Variants in PLA2G4A observed in about 807,000 individuals in gnomAD.
The protein encoded by PLA2G4A is phospholipase A2 group IVA.
A neutral mutation model predicts 81.9 loss-of-function variants in PLA2G4A; 40 were observed. That is an observed-to-expected ratio of 0.49 (90% confidence interval 0.38 to 0.64). PLA2G4A has a LOEUF of 0.64. Ranked by LOEUF, PLA2G4A falls within the 30% of genes least tolerant of loss-of-function variation. PLA2G4A has a pLI of 0.00. For missense variants in PLA2G4A, 715 were observed against 905.1 expected (o/e 0.79, Z 2.69); for synonymous variants, 302 against 296.9 (o/e 1.02, Z -0.18).
At chr1:186,840,112 G>A (rs1651928025) in intron 1 of PLA2G4A, among the ~76,000 whole-genome samples, 1 of 151,096 alleles carries the variant, frequency 6.6e-6, no homozygotes, top group Admixed American at 6.6e-5. Context: ...CTGAGTAGGT[G>A]GGATTACAGG....
At chr1:186,846,975 G>C (rs375551183) in intron 1 of PLA2G4A, among the ~76,000 whole-genome samples, 1 of 151,654 alleles carries the variant, frequency 6.6e-6, no homozygotes, top group East Asian at 1.9e-4. Context: ...GTCCCTGACC[G>C]CTCCTCCTTT....
At chr1:186,865,718 T>A (rs1161764827) in intron 2 of PLA2G4A, among the ~76,000 whole-genome samples, 2 of 152,228 alleles carry the variant, frequency 1.3e-5, no homozygotes, top group African/African-American at 4.8e-5. Context: ...TTGGTTCTTG[T>A]CTTATAACAG....
At chr1:186,847,144 CTATTT>C (rs67500007) in intron 1 of PLA2G4A, among the ~76,000 whole-genome samples, 114,561 of 150,966 alleles carry the variant, frequency 0.76, 43,942 homozygotes, top group South Asian at 0.83. Context: ...TATTTATAGA[CTATTT>C]TATATTAACC....
At chr1:186,908,460 A>C (rs1654818618) in intron 6 of PLA2G4A, among the ~76,000 whole-genome samples, 1 of 151,964 alleles carries the variant, frequency 6.6e-6, no homozygotes, top group Admixed American at 6.6e-5. Flanking sequence ...TAGATTTCTA[A>C]TCACTTATTT....
intron 6 of PLA2G4A, among the ~76,000 whole-genome samples, chr1:186,909,109 G>A (rs1489043474): frequency 6.7e-6 from 1 of 150,142 alleles, no homozygotes; most frequent in Non-Finnish European, 1.5e-5. Context: ...GAGTAGCTGG[G>A]ACTACAGGCG....
chr1:186,921,390 A>C (rs1437924420), intron 7 of PLA2G4A, among the ~76,000 whole-genome samples: 1 of 152,192 alleles, frequency 6.6e-6, no homozygotes, highest in Admixed American at 6.5e-5. Flanking sequence ...TTAAAGCTTG[A>C]GGCTTTTCAG....
chr1:186,967,997 A>G (rs1180461395), intron 15 of PLA2G4A, among the ~76,000 whole-genome samples: 2 of 152,136 alleles, frequency 1.3e-5, no homozygotes, highest in East Asian at 3.8e-4. Flanking sequence ...ATGAAGTACT[A>G]CTGCACCAGA....
At chr1:186,873,028 G>C (rs914401163) in intron 3 of PLA2G4A, among the ~76,000 whole-genome samples, 2 of 152,046 alleles carry the variant, frequency 1.3e-5, no homozygotes, top group African/African-American at 2.4e-5. Context: ...GTGTGTGTGT[G>C]GGGAGGGAGT....
At chr1:186,948,072 T>C (rs1361590104) in intron 12 of PLA2G4A, among the ~76,000 whole-genome samples, 2 of 152,190 alleles carry the variant, frequency 1.3e-5, no homozygotes, top group Non-Finnish European at 2.9e-5. Context: ...CTCCTACAAT[T>C]GATTTTAGTT....
chr1:186,967,317 AAAT>A (rs1006874557), intron 15 of PLA2G4A, among the ~76,000 whole-genome samples: 14 of 148,954 alleles, frequency 9.4e-5, no homozygotes, highest in Non-Finnish European at 1.5e-5. Flanking sequence ...TCAACAAATT[AAAT>A]AATATGTGGA....
At chr1:186,896,825 T>G (rs564369507) in intron 5 of PLA2G4A, among the ~76,000 whole-genome samples, 1 of 152,286 alleles carries the variant, frequency 6.6e-6, no homozygotes, top group East Asian at 1.9e-4. Flanking sequence ...ATCTGAATGA[T>G]AATCCTTTGA....
chr1:186,837,755 A>AAAAAAAAAAAG (rs1553267329), intron 1 of PLA2G4A, among the ~76,000 whole-genome samples: 9 of 147,430 alleles, frequency 6.1e-5, no homozygotes, highest in African/African-American at 2.3e-4. Flanking sequence ...AAAAAAAAGA[A>AAAAAAAAAAAG]AAAGAAAAGA....
chr1:186,905,481 C>T (rs761897481), intron 5 of PLA2G4A, among the ~76,000 whole-genome samples: 15 of 151,926 alleles, frequency 9.9e-5, no homozygotes, highest in Non-Finnish European at 1.9e-4. Flanking sequence ...CACCCTTTGA[C>T]GTTACATTCA....
rs766066392 is a variant in PLA2G4A, at chr1:186,988,477, A to T, written c.2219A>T (p.Asn740Ile). 1 of 1,612,674 alleles carries T rather than the reference A, an allele frequency of 6.2e-7. No homozygotes were observed. The highest frequency in any genetic ancestry group is 1.1e-5 in the South Asian group (1 of 91,042). ...LSNVEARRFFNKEFLSKPKA is the reference protein window; with the variant it reads ...LSNVEARRFFIKEFLSKPKA ...AATGTTGAGGCAAGAAGATTTTTCA[A>T]CAAGGAGTTTCTAAGTAAACCCAAA... The change falls in exon 18 of 18, where the codon AAC becomes ATC. Residue 740 changes from asparagine (N) to isoleucine (I), a missense_variant. Coordinates refer to ENST00000367466, the MANE Select transcript of PLA2G4A (RefSeq NM_024420.3).
At position 186,900,522 on chromosome 1, in the gene PLA2G4A, G is replaced by A. The variant is rs568845479; in HGVS notation, c.378+6311G>A. 1.8e-4 allele frequency among the ~76,000 whole-genome samples: 28 copies of A among 152,304 alleles called. No individual in the cohort carries two copies. In the South Asian group the frequency reaches 5.4e-3, roughly 29 times the overall value. The stretch of plus-strand genomic sequence containing the variant: ...TGAACTTGTTATTTAAATACTAAAT[G>A]TAGAGCTTATCAATGCAGTGATCAT... On this transcript the variant is annotated intron_variant, in intron 5 of 17. Coordinates refer to ENST00000367466, the MANE Select transcript of PLA2G4A (RefSeq NM_024420.3).
chr1:186,888,079 G>A (rs1654000810), intron 3 of PLA2G4A, among the ~76,000 whole-genome samples: 1 of 152,140 alleles, frequency 6.6e-6, no homozygotes, highest in Non-Finnish European at 1.5e-5. Context: ...GAATCAAGAG[G>A]AGAAATTAGA....
chr1:186,840,647 C>G (rs1435730743), intron 1 of PLA2G4A, among the ~76,000 whole-genome samples: 1 of 152,178 alleles, frequency 6.6e-6, no homozygotes, highest in African/African-American at 2.4e-5. Flanking sequence ...CTGAAATAGT[C>G]ATTGCTTTCA....
intron 16 of PLA2G4A, 46 bp from the exon 17 acceptor site, chr1:186,979,269 T>C (rs767799445): frequency 7.1e-7 from 1 of 1,412,152 alleles, no homozygotes; most frequent in Non-Finnish European, 1.0e-6. Context: ...TAGAGATATT[T>C]TGTAGTTTTC....
chr1:186,844,539 C>A (rs907834655), intron 1 of PLA2G4A, among the ~76,000 whole-genome samples: 1 of 152,070 alleles, frequency 6.6e-6, no homozygotes, highest in Non-Finnish European at 1.5e-5. Flanking sequence ...GTTAATGGAT[C>A]AAAAAATCAG....
Sources: gnomAD v4.1 joint callset for allele counts (sites outside exome capture counted in the v4.1 genomes callset) on GRCh38, gnomAD v4.1.1 for gene constraint, MANE v1.5 for transcripts, NCBI Gene and HGNC (gene_info 2026-07-23, HGNC 2026-07-21) for gene names.